ATP7A: variants seen among roughly 807,000 people sequenced by gnomAD.
ATP7A encodes the protein copper-transporting ATPase 1.
ATP7A carries 7 observed loss-of-function variants against 83.5 expected under a neutral mutation model. The observed-to-expected ratio is 0.08, with a 90% CI of 0.05 to 0.16. ATP7A has a LOEUF of 0.16. Among genes scored for constraint, ATP7A ranks in the 10% least tolerant of loss-of-function variants. ATP7A has a pLI of 1.00. For missense variants in ATP7A, 940 were observed against 1,120.8 expected (o/e 0.84, Z 2.30); for synonymous variants, 354 against 395.2 (o/e 0.90, Z 1.24).
chrX:78,014,135 C>T (rs1170363954), intron 10 of ATP7A, among the ~76,000 whole-genome samples: 6 of 110,498 alleles, frequency 5.4e-5, no homozygotes, highest in African/African-American at 1.6e-4. Flanking sequence ...AGGCTGGGCG[C>T]GGTGGCTCAT....
rs2078062938 is a variant in ATP7A at position 78,043,452 on chromosome X, AG to A, written c.4123+19del. 2 of 1,117,481 alleles carry A rather than the reference AG, an allele frequency of 1.8e-6. No individual in the cohort carries two copies. The highest frequency in any genetic ancestry group is 1.2e-6 in the Non-Finnish European group (1 of 810,081). 92.1% of individuals were successfully genotyped at this position (1,117,481 alleles called of 1,213,427 possible). On this transcript the variant is annotated intron_variant, in intron 21 of 22. Transcript: ENST00000341514. ...AGCTGCTGGTATGTGACTCTTAACT[AG>A]TACTGCTTTTTCCACTAAAGTTATT...
chrX:78,010,037 A>G (rs1557234231), intron 7 of ATP7A, among the ~76,000 whole-genome samples: 1 of 112,825 alleles, frequency 8.9e-6, no homozygotes, highest in African/African-American at 3.2e-5. Flanking sequence ...TCAGTATGCT[A>G]TAGAATTGGT....
At chrX:78,008,057 T>C (rs1193102395) in intron 6 of ATP7A, among the ~76,000 whole-genome samples, 1 of 112,414 alleles carries the variant, frequency 8.9e-6, no homozygotes, top group East Asian at 2.8e-4. Flanking sequence ...TGTTGTTTTC[T>C]TGAATAAATG....
At chrX:77,985,830 T>C (rs2077633713) in intron 2 of ATP7A, among the ~76,000 whole-genome samples, 1 of 111,190 alleles carries the variant, frequency 9.0e-6, no homozygotes, top group Non-Finnish European at 1.9e-5. Context: ...CCATTTTCCC[T>C]ACCTCTAACC....
chrX:77,962,562 C>G (rs782573086), intron 1 of ATP7A: 5 of 317,318 alleles, frequency 1.6e-5, no homozygotes, highest in South Asian at 9.5e-5. Context: ...CTGTGGCTGA[C>G]CCTGAGGTGT....
chrX:77,959,892 C>T (rs1443028538), intron 1 of ATP7A, among the ~76,000 whole-genome samples: 3 of 111,830 alleles, frequency 2.7e-5, no homozygotes, highest in East Asian at 2.8e-4. Context: ...TCAACTCTAC[C>T]GGCTATCATG....
chrX:77,991,692 C>T (rs1557232094), intron 4 of ATP7A, among the ~76,000 whole-genome samples: 1 of 111,328 alleles, frequency 9.0e-6, no homozygotes. Flanking sequence ...CAAATTCTCA[C>T]TCTAATGTAG....
chrX:77,932,154 A>G (rs868993392), intron 1 of ATP7A, among the ~76,000 whole-genome samples: 45 of 89,190 alleles, frequency 5.0e-4, no homozygotes, highest in African/African-American at 1.6e-3. Flanking sequence ...CAGATGGGGC[A>G]GTTGCCGGGC....
chrX:78,015,000 A>ATATTCTGATATAACTATACTACCGTACTG (rs1557234988), intron 11 of ATP7A, among the ~76,000 whole-genome samples: 2 of 112,139 alleles, frequency 1.8e-5, no homozygotes, highest in African/African-American at 6.5e-5. Flanking sequence ...AAAAAAGGAT[A>ATATTCTGATATAACTATACTACCGTACTG]TATTCTGATA....
At chrX:77,926,528 G>A (rs1041739450) in intron 1 of ATP7A, among the ~76,000 whole-genome samples, 9 of 109,807 alleles carry the variant, frequency 8.2e-5, no homozygotes, top group Non-Finnish European at 1.3e-4. Flanking sequence ...ACAGGGTTTC[G>A]CCACATTGGC....
chrX:78,046,869 G>A lies in ATP7A; in HGVS notation c.*299G>A. The A allele has an allele frequency of 5.9e-6, 1 of 168,914 alleles. No homozygotes were observed. Among genetic ancestry groups the A allele is most frequent in the Non-Finnish European group, 1.0e-5 (1 of 96,161 alleles). The allele number at this position is 168,914 out of a possible 1,213,427, so 13.9% of individuals were successfully genotyped here. A position where few individuals can be genotyped will look rare whatever the true frequency, so the allele number is the denominator to read the frequency against. The stretch of plus-strand genomic sequence containing the variant: ...GAGATTGCTGAACTGCTGCTAAAGT[G>A]ATTTTTTTTTTATTTGACCAAAAAA... On this transcript the variant is annotated 3_prime_UTR_variant, in exon 23 of 23. Coordinates refer to ENST00000341514, the MANE Select transcript of ATP7A (RefSeq NM_000052.7).
At chrX:77,931,270 C>T (rs782820067) in intron 1 of ATP7A, among the ~76,000 whole-genome samples, 2 of 109,695 alleles carry the variant, frequency 1.8e-5, no homozygotes, top group South Asian at 7.9e-4. Context: ...CTTGCACCGC[C>T]CTTAATCCAT....
In ATP7A at chrX:78,011,433, A is replaced by AT; in HGVS notation, c.1947-10dup. 8.3e-7 allele frequency: 1 copy of AT among 1,198,210 alleles called. No individual in the cohort carries two copies. The highest frequency in any genetic ancestry group is 1.1e-6 in the Non-Finnish European group (1 of 885,327). On this transcript the variant is annotated splice_polypyrimidine_tract_variant and intron_variant, in intron 8 of 22. Coordinates refer to ENST00000341514, the MANE Select transcript of ATP7A (RefSeq NM_000052.7). ...TTATGACCATGATTTTTCTTTTTTT[A>AT]TTTTTTCCATATAAGATGGAGACGG...
chrX:77,961,367 A>G (rs1268227031), intron 1 of ATP7A, among the ~76,000 whole-genome samples: 1 of 112,011 alleles, frequency 8.9e-6, no homozygotes, highest in Admixed American at 9.5e-5. Context: ...TTTCAGTCTT[A>G]CATTCCTAAA....
At chrX:77,934,368 T>C (rs1434896657) in intron 1 of ATP7A, among the ~76,000 whole-genome samples, 1 of 111,736 alleles carries the variant, frequency 8.9e-6, no homozygotes, top group Non-Finnish European at 1.9e-5. Context: ...CAGTGAGCTA[T>C]GTTAACACCA....
chrX:77,968,537 C>T (rs1292999435), intron 1 of ATP7A, among the ~76,000 whole-genome samples: 2 of 111,537 alleles, frequency 1.8e-5, no homozygotes, highest in Admixed American at 9.5e-5. Flanking sequence ...CCTCATTGGT[C>T]GTGGCTTAGC....
At chrX:77,937,593 T>G (rs1350957196) in intron 1 of ATP7A, among the ~76,000 whole-genome samples, 1 of 111,839 alleles carries the variant, frequency 8.9e-6, no homozygotes, top group African/African-American at 3.2e-5. Context: ...ATGAATAGAT[T>G]GTTGTATTTT....
intron 17 of ATP7A, among the ~76,000 whole-genome samples, chrX:78,034,485 G>A (rs1205205117): frequency 1.8e-5 from 2 of 111,001 alleles, no homozygotes; most frequent in Admixed American, 1.9e-4. Context: ...TGGTAATCTA[G>A]GTTTGTTGAA....
intron 19 of ATP7A, among the ~76,000 whole-genome samples, chrX:78,041,493 G>A (rs1008091143): frequency 1.8e-5 from 2 of 109,580 alleles, no homozygotes; most frequent in African/African-American, 6.7e-5. Flanking sequence ...CAAGCTGGTC[G>A]TGAACTTCGG....
Sources: allele counts gnomAD v4.1 joint callset (sites outside exome capture counted in the v4.1 genomes callset), GRCh38; gene constraint gnomAD v4.1.1; transcripts MANE v1.5; gene names NCBI Gene and HGNC (gene_info 2026-07-23, HGNC 2026-07-21).